The following SELENOV variants were observed in gnomAD, a reference collection of about 807,000 sequenced individuals.
The protein encoded by SELENOV is selenoprotein V.
A neutral mutation model predicts 21.6 loss-of-function variants in SELENOV; 25 were observed. The observed-to-expected ratio is 1.16, with a 90% CI of 0.84 to 1.62. The LOEUF (loss-of-function observed/expected upper bound fraction) is 1.62, where lower values mean the gene tolerates loss of function less well. Among genes scored for constraint, SELENOV ranks in the 40% most tolerant of loss-of-function variants. SELENOV has a pLI of 0.00. For synonymous variants in SELENOV, 227 were observed against 216.9 expected, an observed-to-expected ratio of 1.05 and a Z score of -0.41; for missense variants, 472 against 459.0, an observed-to-expected ratio of 1.03 and a Z score of -0.26.
chr19:39,517,829 T>C (rs920757948), intron 1 of SELENOV, among the ~76,000 whole-genome samples: 1 of 151,392 alleles, frequency 6.6e-6, no homozygotes, highest in Non-Finnish European at 1.5e-5. Context: ...CTGGGTGTGA[T>C]GGTGCATGCC....
At chr19:39,516,424 C>T (rs1366137920) in intron 1 of SELENOV, among the ~76,000 whole-genome samples, 34 of 151,984 alleles carry the variant, frequency 2.2e-4, no homozygotes, top group Admixed American at 2.2e-3. Context: ...TCTCTGGCCC[C>T]TTGTCTCTCT....
At chr19:39,516,229 T>C in intron 1 of SELENOV, 1 of 698,256 alleles carries the variant, frequency 1.4e-6, no homozygotes, top group Non-Finnish European at 2.6e-6. Context: ...ATCCCTGCTT[T>C]GGATCTGAGC....
Position 39,517,964 on chromosome 19 carries a change from C to CAAAAAAAAAAAA in SELENOV, c.810-628_810-617dup. The stretch of plus-strand genomic sequence containing the variant: ...TGGGCGACAGAGCAAGACTCTGTCT[C>CAAAAAAAAAAAA]AAAAAAAAAAAAAAAAAAAAAAAAA... On this transcript the variant is annotated intron_variant, in intron 1 of 5. Transcript: ENST00000335426. Among the ~76,000 whole-genome samples the CAAAAAAAAAAAA allele has an allele frequency of 7.9e-3, 98 of 12,372 alleles. 22 individuals are homozygous for CAAAAAAAAAAAA. The highest frequency in any genetic ancestry group is 0.014 in the South Asian group (2 of 144). The allele number at this position is 12,372 out of a possible 152,430, so 8.1% of individuals were successfully genotyped here.
chr19:39,519,137 A>C, exon 5 of SELENOV: 1 of 1,613,814 alleles, frequency 6.2e-7, no homozygotes, highest in Non-Finnish European at 8.5e-7. Flanking sequence ...TGAGGAAATC[A>C]AGAAAAGGTA....
chr19:39,515,532 C>T lies in SELENOV; in HGVS notation c.320C>T (p.Thr107Ile), dbSNP rs1047039292. The T allele has an allele frequency of 6.4e-7, 1 of 1,550,710 alleles. No individual in the cohort carries two copies. Among genetic ancestry groups the T allele is most frequent in the South Asian group, 1.2e-5 (1 of 84,052 alleles). The change falls in exon 1 of 6, where the codon ACT becomes ATT. Residue 107 changes from threonine to isoleucine, a missense_variant. By Grantham distance (89) the Thr-to-Ile change is moderately conservative. Coordinates refer to ENST00000335426, the Ensembl canonical transcript of SELENOV. The surrounding 1 kb of genome is among the most constrained non-coding windows in gnomAD (Gnocchi z 5.1). ...ACTCCCGTTCCCGTCCGGAACCCAA[C>T]TCCGGTCCCGACTCCGGCTCGGACC...
chr19:39,515,539 C>A lies in SELENOV; in HGVS notation c.327C>A (p.Val109=). ...TTCCCGTCCGGAACCCAACTCCGGT[C>A]CCGACTCCGGCTCGGACCCTGACTC... The change falls in exon 1 of 6, where the codon GTC becomes GTA. Residue 109 remains valine, a synonymous_variant. Coordinates refer to ENST00000335426, the Ensembl canonical transcript of SELENOV. This position sits in a 1 kb window ranked among gnomAD's most constrained non-coding sequence, Gnocchi z 5.1. 6.4e-7 allele frequency: 1 copy of A among 1,550,496 alleles called. No individual in the cohort carries two copies. Among genetic ancestry groups the A allele is most frequent in the African/African-American group, 1.4e-5 (1 of 73,148 alleles).
At chr19:39,517,462 T>C (rs1351563494) in intron 1 of SELENOV, among the ~76,000 whole-genome samples, 1 of 152,066 alleles carries the variant, frequency 6.6e-6, no homozygotes, top group Non-Finnish European at 1.5e-5. Flanking sequence ...TGATCTCATA[T>C]GTGAGGAGGT....
chr19:39,519,187 C>T lies in SELENOV; in HGVS notation c.*22+17C>T, dbSNP rs1240113680. On this transcript the variant is annotated intron_variant, in intron 5 of 5. Coordinates refer to ENST00000335426, the Ensembl canonical transcript of SELENOV. ...GAGCTGGAGGTGAGCGTGGAGCTCC[C>T]AAGGCTGCGGTGGGAGGGGTGGAGG... is the stretch of plus-strand genomic sequence containing the variant. The T allele has an allele frequency of 2.5e-6, 4 of 1,583,904 alleles. No homozygotes were observed. The highest frequency in any genetic ancestry group is 1.3e-5 in the African/African-American group (1 of 74,260).
chr19:39,519,848 C>A (rs1051698306), intron 5 of SELENOV, among the ~76,000 whole-genome samples: 1 of 151,414 alleles, frequency 6.6e-6, no homozygotes, highest in African/African-American at 2.4e-5. Flanking sequence ...GCCTGTAGTC[C>A]CAGCTACTCA....
chr19:39,519,124 C>T (rs537964754), exon 5 of SELENOV: 16 of 1,613,566 alleles, frequency 9.9e-6, no homozygotes, highest in Admixed American at 8.3e-5. Context: ...TGAGCGTTAT[C>T]GATGAGGAAA....
intron 1 of SELENOV, 45 bp from the exon 2 acceptor site, chr19:39,518,563 C>A (rs1186823530): frequency 2.5e-6 from 4 of 1,571,002 alleles, no homozygotes; most frequent in Non-Finnish European, 2.6e-6. Context: ...GCGGTGTCTT[C>A]CCTGGTCTCT....
In SELENOV at chr19:39,515,577, TCCCAGC is replaced by T. The variant is rs559754455; in HGVS notation, c.380_385del (p.Pro127_Ala128del). On this transcript the variant is annotated inframe_deletion, in exon 1 of 6. Coordinates refer to ENST00000335426, the Ensembl canonical transcript of SELENOV. The surrounding 1 kb of genome is among the most constrained non-coding windows in gnomAD (Gnocchi z 5.1). ...CGGACCCTGACTCCTCCAGTCCGGG[TCCCAGC>T]CCCAGCCCCAGCCCAGCTCCTGGCA... is the stretch of plus-strand genomic sequence containing the variant. 2.5e-4 allele frequency: 385 copies of T among 1,548,804 alleles called. 4 individuals carry two copies. In the South Asian group the frequency reaches 3.8e-3, roughly 15 times the overall value.
intron 1 of SELENOV, among the ~76,000 whole-genome samples, chr19:39,518,294 C>CAAAAAAAAAAA (rs56055153): frequency 6.5e-5 from 7 of 107,218 alleles, no homozygotes; most frequent in African/African-American, 2.0e-4. Flanking sequence ...AACAAAAAAA[C>CAAAAAAAAAAA]AAAAAAAAAA....
chr19:39,519,239 T>C, intron 5 of SELENOV, 69 bp downstream of exon 5: 2 of 1,051,816 alleles, frequency 1.9e-6, no homozygotes, highest in Non-Finnish European at 2.9e-6. Flanking sequence ...GGCAGGGCTC[T>C]GTCTCAGTCC....
intron 1 of SELENOV, 54 bp downstream of exon 1, chr19:39,516,075 G>T (rs933408198): frequency 4.1e-6 from 6 of 1,477,330 alleles, no homozygotes; most frequent in Admixed American, 4.0e-5. Context: ...CCGGCAGTGG[G>T]GGCTGGGTCT....
intron 1 of SELENOV, 52 bp from the exon 2 acceptor site, chr19:39,518,556 G>A (rs1027079402): frequency 1.4e-5 from 22 of 1,554,480 alleles, no homozygotes; most frequent in South Asian, 3.5e-5. Flanking sequence ...TACTGATGCG[G>A]TGTCTTCCCT....
chr19:39,519,207 T>TCCCAAAGCTCCCAA, intron 5 of SELENOV, 37 bp downstream of exon 5: 1 of 1,458,962 alleles, frequency 6.9e-7, no homozygotes, highest in Non-Finnish European at 9.6e-7. Flanking sequence ...GTGGGAGGGG[T>TCCCAAAGCTCCCAA]GGAGGCCGGG....
Sources: gnomAD v4.1 joint callset for allele counts (sites outside exome capture counted in the v4.1 genomes callset) on GRCh38, gnomAD v4.1.1 for gene constraint, Gnocchi (gnomAD v3.1) non-coding constraint, MANE v1.5 for transcripts, NCBI Gene and HGNC (gene_info 2026-07-23, HGNC 2026-07-21) for gene names.